MOK: variants seen among roughly 807,000 people sequenced by gnomAD.
MOK encodes the protein MOK protein kinase.
In MOK, 59 loss-of-function variants were observed where a neutral mutation model predicts 54.2. The observed-to-expected ratio is 1.09, with a 90% CI of 0.88 to 1.35. The LOEUF (loss-of-function observed/expected upper bound fraction) is 1.35. MOK is among the 40% of genes most tolerant of loss of function. The pLI is 0.00. For synonymous variants in MOK, 210 were observed against 202.7 expected, an observed-to-expected ratio of 1.04 and a Z score of -0.31; for missense variants, 517 against 526.2, an observed-to-expected ratio of 0.98 and a Z score of 0.17.
intron 1 of MOK, among the ~76,000 whole-genome samples, chr14:102,291,864 A>G (rs901592765): frequency 3.9e-5 from 6 of 151,938 alleles, no homozygotes; most frequent in African/African-American, 1.2e-4. Flanking sequence ...AGGCTGAGAC[A>G]GAAGAACTGT....
chr14:102,247,270 A>C (rs913816957), intron 7 of MOK: 1 of 152,254 alleles, frequency 6.6e-6, no homozygotes, highest in Non-Finnish European at 1.5e-5. Flanking sequence ...TGGATGCATG[A>C]GGACAACAAA....
chr14:102,287,190 T>A (rs1352107856), intron 1 of MOK, among the ~76,000 whole-genome samples: 3 of 152,138 alleles, frequency 2.0e-5, no homozygotes, highest in Non-Finnish European at 1.5e-5. Flanking sequence ...GAGGGTTCAG[T>A]GGGCGTGGTG....
intron 4 of MOK, among the ~76,000 whole-genome samples, chr14:102,260,296 A>C (rs561942244): frequency 8.5e-5 from 13 of 152,130 alleles, no homozygotes; most frequent in Non-Finnish European, 1.6e-4. Flanking sequence ...CAGTGAGCAG[A>C]AATCACACCA....
At chr14:102,251,632 G>C (rs1367819827) in intron 6 of MOK, 124 bp downstream of exon 6, 3 of 792,898 alleles carry the variant, frequency 3.8e-6, no homozygotes, top group African/African-American at 3.4e-5. Context: ...AAAAATTACT[G>C]TAACAAACAG....
chr14:102,287,019 T>A (rs1277532731), intron 1 of MOK, among the ~76,000 whole-genome samples: 1 of 152,136 alleles, frequency 6.6e-6, no homozygotes, highest in African/African-American at 2.4e-5. Flanking sequence ...TCTCATTTTC[T>A]AAGTTAGATA....
At chr14:102,298,960 T>C (rs939805384) in intron 1 of MOK, among the ~76,000 whole-genome samples, 27 of 151,990 alleles carry the variant, frequency 1.8e-4, no homozygotes, top group Admixed American at 1.3e-3. Context: ...CTGAAGCCAG[T>C]GAGACCACGA....
intron 1 of MOK, among the ~76,000 whole-genome samples, chr14:102,287,518 A>G (rs951347866): frequency 6.6e-6 from 1 of 152,238 alleles, no homozygotes; most frequent in African/African-American, 2.4e-5. Flanking sequence ...TATATAAATA[A>G]GTCTTATAAC....
At chr14:102,239,601 T>G (rs747279862) in intron 7 of MOK, among the ~76,000 whole-genome samples, 4 of 152,216 alleles carry the variant, frequency 2.6e-5, no homozygotes, top group Admixed American at 6.5e-5. Context: ...CTGGGCACAG[T>G]GGCTCACGCC....
At chr14:102,251,584 T>C in intron 6 of MOK, 172 bp downstream of exon 6, 1 of 682,914 alleles carries the variant, frequency 1.5e-6, no homozygotes, top group Non-Finnish European at 2.7e-6. Flanking sequence ...GTTGATGGCA[T>C]TTATTAAATA....
At chr14:102,282,623 A>G (rs2069569199) in intron 2 of MOK, among the ~76,000 whole-genome samples, 1 of 151,928 alleles carries the variant, frequency 6.6e-6, no homozygotes, top group Non-Finnish European at 1.5e-5. Flanking sequence ...GGTCCCAGCT[A>G]CTCAGGAGAC....
At chr14:102,224,065 G>A (rs570153043), downstream of MOK, among the ~76,000 whole-genome samples, 2,920 of 128,622 alleles carry the variant, frequency 0.023, 80 homozygotes, top group African/African-American at 0.067. Flanking sequence ...TTTTTGAGAT[G>A]GAGTCTCCCT....
downstream of MOK, among the ~76,000 whole-genome samples, chr14:102,221,300 G>A (rs2063863981): frequency 6.6e-6 from 1 of 152,226 alleles, no homozygotes; most frequent in Non-Finnish European, 1.5e-5. The surrounding 1 kb of genome is among the most constrained non-coding windows in gnomAD (Gnocchi z 4.8). Flanking sequence ...GGGGAAGGGA[G>A]GTGCCTCCTG....
chr14:102,245,137 A>T lies in MOK; in HGVS notation c.590+5675T>A, dbSNP rs2065993375. ...GTCTTCCGTTTAGCTCTCAATTCATAAAAAAACACATCCAGGCCATCACCA... is the reference window on the plus strand; with the variant it reads ...GTCTTCCGTTTAGCTCTCAATTCATTAAAAAACACATCCAGGCCATCACCA... On this transcript the variant is annotated intron_variant, in intron 7 of 11. Coordinates refer to ENST00000361847, the MANE Select transcript of MOK (RefSeq NM_014226.3). This position sits in a 1 kb window ranked among gnomAD's most constrained non-coding sequence, Gnocchi z 4.3. Among the ~76,000 whole-genome samples the T allele has an allele frequency of 6.6e-6, 1 of 151,964 alleles. No individual in the cohort carries two copies. Among genetic ancestry groups the T allele is most frequent in the Non-Finnish European group, 1.5e-5 (1 of 67,986 alleles).
At position 102,280,111 on chromosome 14, in the gene MOK, G is replaced by A. The variant is rs114133723; in HGVS notation, c.122+3367C>T. ...TTTTGCGTGTGTGCGGTTACCTAAC[G>A]GACATGGTTTCCTGGTGGTGAGGTA... On this transcript the variant is annotated intron_variant, in intron 2 of 11. Transcript: ENST00000361847. Among the ~76,000 whole-genome samples the A allele has an allele frequency of 4.2e-3, 633 of 151,970 alleles. 6 individuals are homozygous for A. Among genetic ancestry groups the A allele is most frequent in the African/African-American group, 0.014 (596 of 41,442 alleles).
rs1230793760 is a variant in MOK, at chr14:102,229,676, C to A, written c.982-19G>T. Reference sequence around the variant, plus strand: ...ACTGTTTCTTGAAACAGAACAGAGGCCAGTTGGACATAAAACGCTTTCTGC... The same window carrying A: ...ACTGTTTCTTGAAACAGAACAGAGGACAGTTGGACATAAAACGCTTTCTGC... On this transcript the variant is annotated intron_variant, in intron 10 of 11. Transcript: ENST00000361847. The A allele has an allele frequency of 1.9e-6, 3 of 1,569,662 alleles. No homozygotes were observed. The Admixed American group carries it at 5.9e-5, about 31-fold the overall frequency.
chr14:102,221,605 C>T (rs1256157605), downstream of MOK, among the ~76,000 whole-genome samples: 1 of 152,166 alleles, frequency 6.6e-6, no homozygotes, highest in Non-Finnish European at 1.5e-5. The surrounding 1 kb of genome is among the most constrained non-coding windows in gnomAD (Gnocchi z 4.8). Flanking sequence ...GGGGCAGCTG[C>T]CACATTCCGT....
At chr14:102,256,567 G>A (rs1433632691) in intron 4 of MOK, among the ~76,000 whole-genome samples, 3 of 151,282 alleles carry the variant, frequency 2.0e-5, no homozygotes, top group Admixed American at 6.6e-5. Context: ...GCGAGACTCC[G>A]TCTCAAAAAA....
chr14:102,272,025 C>G (rs1004770714), intron 2 of MOK, among the ~76,000 whole-genome samples: 9 of 151,804 alleles, frequency 5.9e-5, no homozygotes, highest in African/African-American at 2.2e-4. Context: ...ACCACAGGTG[C>G]CTGCCACCAT....
At chr14:102,272,923 G>A (rs1055273046) in intron 2 of MOK, among the ~76,000 whole-genome samples, 1 of 152,196 alleles carries the variant, frequency 6.6e-6, no homozygotes, top group Non-Finnish European at 1.5e-5. Context: ...TGTAATCCCA[G>A]CACTCTGGGA....
Sources: gnomAD v4.1 joint callset for allele counts (sites outside exome capture counted in the v4.1 genomes callset) on GRCh38, gnomAD v4.1.1 for gene constraint, Gnocchi (gnomAD v3.1) non-coding constraint, MANE v1.5 for transcripts, NCBI Gene and HGNC (gene_info 2026-07-23, HGNC 2026-07-21) for gene names.